OPLAH: variants seen among roughly 807,000 people sequenced by gnomAD.
OPLAH encodes the protein 5-oxoprolinase, ATP-hydrolysing, also known as 5-oxoprolinase.
OPLAH carries 103 observed loss-of-function variants against 122.8 expected under a neutral mutation model. That is an observed-to-expected ratio of 0.84 (90% CI 0.71 to 0.99). The LOEUF is 0.99. Among genes scored for constraint, OPLAH ranks in the 50% least tolerant of loss-of-function variants. The pLI is 0.00. For synonymous variants in OPLAH, 875 were observed against 796.0 expected, an observed-to-expected ratio of 1.10 and a Z score of -1.67; for missense variants, 1,902 against 1,836.5, an observed-to-expected ratio of 1.04 and a Z score of -0.65.
rs1271003307 is a variant in OPLAH, at chr8:144,056,380, C to T, written c.1983+5G>A. On this transcript the variant is annotated splice_donor_5th_base_variant and intron_variant, in intron 14 of 26. Coordinates refer to ENST00000618853, the MANE Select transcript of OPLAH (RefSeq NM_017570.5). ...TGTCAGGCTGGCACAGGCAGGACCA[C>T]CAACCTTGTCCACCCGGGGAGGCCC... is the stretch of plus-strand genomic sequence containing the variant. 6.2e-7 allele frequency: 1 copy of T among 1,602,724 alleles called. No individual in the cohort carries two copies. The highest frequency in any genetic ancestry group is 1.1e-5 in the South Asian group (1 of 90,102).
At chr8:144,062,894 C>T (rs957613802), upstream of OPLAH, among the ~76,000 whole-genome samples, 11 of 151,932 alleles carry the variant, frequency 7.2e-5, no homozygotes, top group South Asian at 1.5e-3. Flanking sequence ...ACCTCCCCCA[C>T]CTCCGCCTGC....
chr8:144,052,010 G>A lies in OPLAH; in HGVS notation c.3528C>T (p.Gly1176=), dbSNP rs1554757782. Residue 1176 remains glycine, a synonymous_variant, in exon 25 of 27, where the codon GGC becomes GGT. Coordinates refer to ENST00000618853, the MANE Select transcript of OPLAH (RefSeq NM_017570.5). ...RGSGGRGRFR[G]GDGVTRELLF... ...GCAGCTCGCGGGTGACGCCGTCGCC[G>A]CCTCGGAAGCGGCCTCTGCCCCCCG... 1 of 1,588,786 alleles carries A rather than the reference G, an allele frequency of 6.3e-7. No homozygotes were observed. Among genetic ancestry groups the A allele is most frequent in the Non-Finnish European group, 8.5e-7 (1 of 1,175,832 alleles).
At chr8:144,059,825 C>G in intron 2 of OPLAH, 35 bp from the exon 3 acceptor site, 1 of 1,610,962 alleles carries the variant, frequency 6.2e-7, no homozygotes, top group Non-Finnish European at 8.5e-7. Context: ...GGCTTCTGGC[C>G]GTGGGGTCCC....
chr8:144,061,485 C>T (rs1279824603), upstream of OPLAH, among the ~76,000 whole-genome samples: 4 of 151,744 alleles, frequency 2.6e-5, no homozygotes, highest in African/African-American at 9.7e-5. Flanking sequence ...CACTGCACTC[C>T]AGCCCAGGCG....
In OPLAH at chr8:144,055,130, C is replaced by G. The variant is rs782058586; in HGVS notation, c.2308G>C (p.Asp770His). ...AISTNIKERL[D>H]FSCALFGPDG... ...GGCCCAAAGAGGGCACAGGAGAAGT[C>G]CAGACGCTCCTTGATGTTGGTGGAG... Residue 770 changes from aspartate (D) to histidine (H), a missense_variant, in exon 17 of 27, where the codon GAC (aspartate) becomes CAC (histidine). By Grantham distance (81) the Asp-to-His change is moderately conservative. This residue lies in a region of OPLAH where 1,726 missense variants were observed against 1,642.1 expected (regional missense o/e 1.05). Transcript: ENST00000618853. The surrounding 1 kb of genome is among the most constrained non-coding windows in gnomAD (Gnocchi z 6.5). 6.3e-7 allele frequency: 1 copy of G among 1,586,150 alleles called. No individual in the cohort carries two copies. Among genetic ancestry groups the G allele is most frequent in the Non-Finnish European group, 8.6e-7 (1 of 1,166,516 alleles).
Position 144,052,214 on chromosome 8 carries a change from T to C in OPLAH, c.3416A>G (p.His1139Arg), listed in dbSNP as rs1554757847. ...SWHGRSGVHS[H>R]MTNTRITDPE... is the part of the protein sequence containing the mutation. ...GTCGGTGATGCGTGTGTTGGTCATGTGGCTGTGCACACCGCTGCGCCCGTG... is the reference window on the plus strand; with the variant it reads ...GTCGGTGATGCGTGTGTTGGTCATGCGGCTGTGCACACCGCTGCGCCCGTG... The change falls in exon 24 of 27, where the codon CAC becomes CGC. Residue 1139 changes from histidine (H) to arginine (R), a missense_variant. By Grantham distance (29) the His-to-Arg change is conservative (BLOSUM62 0). Coordinates refer to ENST00000618853, the MANE Select transcript of OPLAH (RefSeq NM_017570.5). The C allele has an allele frequency of 1.3e-6, 2 of 1,580,446 alleles. No homozygotes were observed. Among genetic ancestry groups the C allele is most frequent in the Non-Finnish European group, 1.7e-6 (2 of 1,168,230 alleles).
rs782712613 is a variant in OPLAH at position 144,052,015 on chromosome 8, G to A, written c.3523C>T (p.Arg1175Ter). The change falls in exon 25 of 27, where the codon CGA becomes TGA. Residue 1175 changes from arginine (R) to a stop codon, truncating the protein, a stop_gained. Coordinates refer to ENST00000618853, the MANE Select transcript of OPLAH (RefSeq NM_017570.5). LOFTEE classifies it high-confidence loss of function. ...RRGSGGRGRF[R>*]GGDGVTRELL... is the part of the protein sequence containing the mutation. ...TCGCGGGTGACGCCGTCGCCGCCTC[G>A]GAAGCGGCCTCTGCCCCCCGAGCCC... 5 of 1,590,094 alleles carry A rather than the reference G, an allele frequency of 3.1e-6. No homozygotes were observed. The highest frequency in any genetic ancestry group is 2.3e-5 in the East Asian group (1 of 44,056).
chr8:144,051,919 G>C lies in OPLAH; in HGVS notation c.3619C>G (p.His1207Asp). 1 of 1,533,352 alleles carries C rather than the reference G, an allele frequency of 6.5e-7. No individual in the cohort carries two copies. The highest frequency in any genetic ancestry group is 8.7e-7 in the Non-Finnish European group (1 of 1,146,410). 95.0% of individuals were successfully genotyped at this position (1,533,352 alleles called of 1,614,324 possible). Residue 1207 changes from histidine to aspartate, a missense_variant, in exon 25 of 27, where the codon CAC becomes GAC. Physicochemically the swap from His to Asp is moderately conservative, Grantham distance 81 (BLOSUM62 -1). Transcript: ENST00000618853. ...CGAGGGCTGGGGAACCGCGCACCGTGGAGCCCGTATGGCCGGAAGGCGCGG... is the reference window on the plus strand; with the variant it reads ...CGAGGGCTGGGGAACCGCGCACCGTCGAGCCCGTATGGCCGGAAGGCGCGG... ...ERRAFRPYGL[H>D]GGEPGARGLN...
Position 144,057,558 on chromosome 8 carries a change from G to T in OPLAH, c.1312C>A (p.Leu438Met). 1 of 1,587,536 alleles carries T rather than the reference G, an allele frequency of 6.3e-7. No homozygotes were observed. ...GAGGCCGGGCAGGGCCCGTTGGTCAGGAAGCTGTTGACCTCAGTGGCCACA... is the reference window on the plus strand; with the variant it reads ...GAGGCCGGGCAGGGCCCGTTGGTCATGAAGCTGTTGACCTCAGTGGCCACA... ...EAVATEVNSF[L>M]TNGPCPASPL... The change falls in exon 10 of 27, where the codon CTG (leucine) becomes ATG (methionine). Residue 438 changes from leucine (L) to methionine (M), a missense_variant. By Grantham distance (15) the Leu-to-Met change is conservative (BLOSUM62 2). Transcript: ENST00000618853.
At position 144,053,777 on chromosome 8, in the gene OPLAH, C is replaced by T. The variant is rs1835445451; in HGVS notation, c.2687-384G>A. On this transcript the variant is annotated intron_variant, in intron 19 of 26. Coordinates refer to ENST00000618853, the MANE Select transcript of OPLAH (RefSeq NM_017570.5). ...CGCCACTTCCCCTGGGCTCCCAGACCTGCAGCCTCAGACCAGGGCTGTTTT... is the reference window on the plus strand; with the variant it reads ...CGCCACTTCCCCTGGGCTCCCAGACTTGCAGCCTCAGACCAGGGCTGTTTT... Among the ~76,000 whole-genome samples, 4 of 152,078 alleles carry T rather than the reference C, an allele frequency of 2.6e-5. No individual in the cohort carries two copies. The South Asian group carries it at 8.3e-4, about 32-fold the overall frequency.
At position 144,057,022 on chromosome 8, in the gene OPLAH, G is replaced by A. The variant is rs782042161; in HGVS notation, c.1632C>T (p.Phe544=). The A allele has an allele frequency of 1.1e-5, 17 of 1,597,582 alleles. 1 individual carries two copies. The highest frequency in any genetic ancestry group is 5.7e-5 in the South Asian group (5 of 88,166). ...GGCTCAGCCTCTGGTCCAGCTGCAC[G>A]AAGGTCTCAGGCGCGTAGAGCAGGG... ...PCSLLYAPET[F]VQLDQRLSRL... is the part of the protein sequence containing the mutation. The change falls in exon 12 of 27, where the codon TTC becomes TTT. Residue 544 remains phenylalanine (F), a synonymous_variant. Transcript: ENST00000618853.
At position 144,060,033 on chromosome 8, in the gene OPLAH, G is replaced by T; in HGVS notation, c.-1C>A. On this transcript the variant is annotated 5_prime_UTR_variant, in exon 2 of 27. Transcript: ENST00000618853. Reference sequence around the variant, plus strand: ...GGAAGCGGCCCTCGGGGCTGCCCATGGTGGTGGGGCTGGAGTCCCACAGGA... The same window carrying T: ...GGAAGCGGCCCTCGGGGCTGCCCATTGTGGTGGGGCTGGAGTCCCACAGGA... The T allele has an allele frequency of 6.2e-7, 1 of 1,611,092 alleles. No homozygotes were observed. The highest frequency in any genetic ancestry group is 8.5e-7 in the Non-Finnish European group (1 of 1,179,076).
At chr8:144,061,462 G>C (rs1554760902), upstream of OPLAH, among the ~76,000 whole-genome samples, 3 of 152,118 alleles carry the variant, frequency 2.0e-5, no homozygotes, top group East Asian at 3.9e-4. Flanking sequence ...GCTGCAGTGA[G>C]CAGAGATCGT....
At position 144,057,616 on chromosome 8, in the gene OPLAH, A is replaced by G; in HGVS notation, c.1254T>C (p.Leu418=). ...GGGCTTTGCGGGAGGCCTCAGGGGA[A>G]AGTGGTTGGTTCTCTCCCGGCCCAA... ...CIFGPGENQP[L]SPEASRKALE... Residue 418 remains leucine (L), a synonymous_variant, in exon 10 of 27, where the codon CTT becomes CTC. Coordinates refer to ENST00000618853, the MANE Select transcript of OPLAH (RefSeq NM_017570.5). The G allele has an allele frequency of 6.3e-7, 1 of 1,594,286 alleles. No homozygotes were observed. Among genetic ancestry groups the G allele is most frequent in the South Asian group, 1.1e-5 (1 of 88,762 alleles).
chr8:144,056,912 CGTAA>C (rs1564291418), intron 12 of OPLAH, 32 bp downstream of exon 12: 2 of 1,544,516 alleles, frequency 1.3e-6, no homozygotes, highest in East Asian at 2.4e-5. Context: ...GTGAGGACAA[CGTAA>C]GCCCTCTGTC....
intron 18 of OPLAH, 38 bp from the exon 19 acceptor site, chr8:144,054,773 C>T: frequency 1.2e-6 from 2 of 1,612,098 alleles, no homozygotes; most frequent in Non-Finnish European, 1.7e-6. Flanking sequence ...GCATCGGCCA[C>T]CACTGCCCCA....
At chr8:144,063,343 C>T (rs982370336), upstream of OPLAH, among the ~76,000 whole-genome samples, 2 of 152,010 alleles carry the variant, frequency 1.3e-5, no homozygotes, top group Admixed American at 6.5e-5. The surrounding 1 kb of genome is among the most constrained non-coding windows in gnomAD (Gnocchi z 4.2). Flanking sequence ...ACCTCCACCC[C>T]GGCCAGGCTT....
rs782092076 is a variant in OPLAH, at chr8:144,056,406, G to C, written c.1962C>G (p.Thr654=). The C allele has an allele frequency of 4.4e-6, 7 of 1,607,056 alleles. No individual in the cohort carries two copies. Among genetic ancestry groups the C allele is most frequent in the Non-Finnish European group, 5.9e-6 (7 of 1,177,612 alleles). Reference sequence around the variant, plus strand: ...CAACCTTGTCCACCCGGGGAGGCCCGGTCTGGGCTTTGGGGGCATCCTCGA... The same window carrying C: ...CAACCTTGTCCACCCGGGGAGGCCCCGTCTGGGCTTTGGGGGCATCCTCGA... ...LRLEDAPKAQ[T]GPPRVDKMTQ... is the part of the protein sequence containing the mutation. Residue 654 remains threonine (T), a synonymous_variant, in exon 14 of 27, where the codon ACC becomes ACG. Coordinates refer to ENST00000618853, the MANE Select transcript of OPLAH (RefSeq NM_017570.5).
At chr8:144,058,917 G>T in intron 4 of OPLAH, 21 bp from the exon 5 acceptor site, 1 of 1,549,802 alleles carries the variant, frequency 6.5e-7, no homozygotes. Context: ...AGCCCAGGAG[G>T]CCCCGTTAAA....
Sources: gnomAD v4.1 joint callset for allele counts (sites outside exome capture counted in the v4.1 genomes callset) on GRCh38, gnomAD v4.1.1 for gene constraint, gnomAD v4.1.1 regional missense constraint, Gnocchi (gnomAD v3.1) non-coding constraint, MANE v1.5 for transcripts, NCBI Gene and HGNC (gene_info 2026-07-23, HGNC 2026-07-21) for gene names.